Variants in CADPS observed in about 807,000 individuals in gnomAD.
CADPS encodes calcium-dependent secretion activator 1.
In CADPS, 57 loss-of-function variants were observed where a neutral mutation model predicts 167.3. The observed-to-expected ratio is 0.34, with a 90% CI of 0.28 to 0.42. The LOEUF is 0.42. Among genes scored for constraint, CADPS ranks in the 20% least tolerant of loss-of-function variants. The probability of loss-of-function intolerance (pLI) is 1.00; values close to 1 mark genes in which losing one functional copy is unlikely to be tolerated. For missense variants in CADPS, 1,414 were observed against 1,738.1 expected (o/e 0.81, Z 3.32); for synonymous variants, 676 against 635.3 (o/e 1.06, Z -0.96).
At chr3:62,564,332 G>T (rs1245864649) in intron 9 of CADPS, among the ~76,000 whole-genome samples, 1 of 152,098 alleles carries the variant, frequency 6.6e-6, no homozygotes, top group Non-Finnish European at 1.5e-5. Flanking sequence ...CTGCTTACAA[G>T]CCATTGACCT....
In CADPS at chr3:62,607,436, A is replaced by G. The variant is rs750024734; in HGVS notation, c.1326-14688T>C. The stretch of plus-strand genomic sequence containing the variant: ...CGAACGCTCAAGTGCTCCCAGGAAA[A>G]GCCCTAACCACATCAAAGGCACTCC... On this transcript the variant is annotated intron_variant, in intron 6 of 29. Coordinates refer to ENST00000383710, the MANE Select transcript of CADPS (RefSeq NM_003716.4). 1.1e-3 allele frequency among the ~76,000 whole-genome samples: 160 copies of G among 152,306 alleles called. 1 individual carries two copies. The highest frequency in any genetic ancestry group is 1.8e-3 in the Non-Finnish European group (124 of 68,032).
intron 8 of CADPS, among the ~76,000 whole-genome samples, chr3:62,582,560 G>GA (rs968951251): frequency 1.3e-5 from 2 of 151,584 alleles, no homozygotes; most frequent in African/African-American, 2.4e-5. Context: ...AGTTTAAATG[G>GA]AAAAAAAATG....
chr3:62,673,742 G>A (rs994091501), intron 3 of CADPS, among the ~76,000 whole-genome samples: 4 of 152,146 alleles, frequency 2.6e-5, no homozygotes, highest in African/African-American at 9.7e-5. Context: ...TTGGGCAGCT[G>A]ATTTGATGGG....
intron 6 of CADPS, among the ~76,000 whole-genome samples, chr3:62,620,339 A>C (rs980509067): frequency 6.6e-6 from 1 of 152,174 alleles, no homozygotes; most frequent in African/African-American, 2.4e-5. Flanking sequence ...CACCACAATC[A>C]CAGCAAGGTG....
At chr3:62,631,826 C>G (rs909693743) in intron 6 of CADPS, among the ~76,000 whole-genome samples, 13 of 152,122 alleles carry the variant, frequency 8.5e-5, no homozygotes, top group African/African-American at 2.7e-4. Flanking sequence ...AAGAGAGAGA[C>G]AGCTTCCTAA....
At chr3:62,490,793 G>A (rs1051422681) in intron 21 of CADPS, among the ~76,000 whole-genome samples, 1 of 152,056 alleles carries the variant, frequency 6.6e-6, no homozygotes, top group African/African-American at 2.4e-5. Context: ...GCAAACTATG[G>A]ACCTGTTTTG....
At chr3:62,858,918 A>G (rs910806823) in intron 1 of CADPS, among the ~76,000 whole-genome samples, 1 of 152,156 alleles carries the variant, frequency 6.6e-6, no homozygotes, top group African/African-American at 2.4e-5. Context: ...AAATGTTTGG[A>G]TTTTTAAAAA....
chr3:62,730,231 A>G (rs1025068727), intron 3 of CADPS, among the ~76,000 whole-genome samples: 16 of 152,002 alleles, frequency 1.1e-4, no homozygotes, highest in African/African-American at 3.1e-4. Context: ...GTGCTTCCCA[A>G]CTGGTGGTGA....
At chr3:62,533,657 G>T (rs1369632903) in intron 12 of CADPS, among the ~76,000 whole-genome samples, 1 of 152,132 alleles carries the variant, frequency 6.6e-6, no homozygotes, top group African/African-American at 2.4e-5. Context: ...AAGTCTTCTT[G>T]TTTTCTCTAC....
intron 17 of CADPS, among the ~76,000 whole-genome samples, chr3:62,502,860 G>A (rs770775152): frequency 6.6e-6 from 1 of 152,070 alleles, no homozygotes; most frequent in African/African-American, 2.4e-5. Context: ...TAGGTGAAGA[G>A]AGACAGTAAA....
intron 26 of CADPS, among the ~76,000 whole-genome samples, chr3:62,461,887 A>G (rs1403918872): frequency 6.6e-6 from 1 of 152,246 alleles, no homozygotes; most frequent in Non-Finnish European, 1.5e-5. Context: ...ACACCTTTCT[A>G]GCTCGTTGCT....
At chr3:62,439,517 G>A (rs1339392068) in intron 27 of CADPS, 1 of 152,172 alleles carries the variant, frequency 6.6e-6, no homozygotes, top group African/African-American at 2.4e-5. Flanking sequence ...CAGGTTCCAT[G>A]ATGGTCCTAT....
rs556938725 is a variant in CADPS at position 62,501,836 on chromosome 3, T to C, written c.2600-2568A>G. Among the ~76,000 whole-genome samples, 9 of 152,354 alleles carry C rather than the reference T, an allele frequency of 5.9e-5. No individual in the cohort carries two copies. The South Asian group carries it at 8.3e-4, about 14-fold the overall frequency. ...TGTTTTAATAGGCAGTACTCTTAGA[T>C]TGACTACAATAGATATCAATAGATA... On this transcript the variant is annotated intron_variant, in intron 17 of 29. Coordinates refer to ENST00000383710, the MANE Select transcript of CADPS (RefSeq NM_003716.4).
At chr3:62,746,891 A>G (rs1160573907) in intron 3 of CADPS, among the ~76,000 whole-genome samples, 2 of 152,184 alleles carry the variant, frequency 1.3e-5, no homozygotes, top group African/African-American at 4.8e-5. Flanking sequence ...CTTCTGACCT[A>G]GAAAAATTGA....
At chr3:62,726,693 T>C (rs2076809456) in intron 3 of CADPS, among the ~76,000 whole-genome samples, 1 of 151,956 alleles carries the variant, frequency 6.6e-6, no homozygotes, top group African/African-American at 2.4e-5. Flanking sequence ...CTAATAATAA[T>C]AAAGGATTCC....
At chr3:62,474,030 C>T (rs1177447639) in intron 24 of CADPS, 143 bp downstream of exon 24, 25 of 569,434 alleles carry the variant, frequency 4.4e-5, no homozygotes, top group Non-Finnish European at 7.2e-5. Context: ...ATACTGAACA[C>T]TCATCCATGG....
At chr3:62,570,001 T>C (rs9883678) in intron 9 of CADPS, among the ~76,000 whole-genome samples, 3,165 of 152,300 alleles carry the variant, frequency 0.021, 92 homozygotes, top group African/African-American at 0.072. Flanking sequence ...GTTATTTATA[T>C]ATGACTAATG....
At chr3:62,451,983 G>A (rs770042161) in intron 26 of CADPS, among the ~76,000 whole-genome samples, 2 of 152,146 alleles carry the variant, frequency 1.3e-5, no homozygotes, top group Non-Finnish European at 2.9e-5. Flanking sequence ...TATCTAGAAT[G>A]TAGGTGCTCT....
At chr3:62,432,681 T>C (rs1204235997) in intron 28 of CADPS, among the ~76,000 whole-genome samples, 1 of 152,186 alleles carries the variant, frequency 6.6e-6, no homozygotes, top group Non-Finnish European at 1.5e-5. Context: ...TGCAGATTCA[T>C]ATGGCATTTC....
Sources: gnomAD v4.1 joint callset for allele counts (sites outside exome capture counted in the v4.1 genomes callset) on GRCh38, gnomAD v4.1.1 for gene constraint, MANE v1.5 for transcripts, NCBI Gene and HGNC (gene_info 2026-07-23, HGNC 2026-07-21) for gene names.